The following SH3BGRL variants were observed in gnomAD, a reference collection of about 807,000 sequenced individuals.
The protein encoded by SH3BGRL is SH3 domain binding glutamate rich protein like, also known as adapter SH3BGRL.
A neutral mutation model predicts 9.8 loss-of-function variants in SH3BGRL; 7 were observed. The observed-to-expected ratio is 0.72, with a 90% CI of 0.41 to 1.35. SH3BGRL has a LOEUF of 1.35. SH3BGRL is among the 40% of genes most tolerant of loss of function. The pLI is 0.01. For synonymous variants in SH3BGRL, 36 were observed against 29.1 expected, an observed-to-expected ratio of 1.24 and a Z score of -0.76; for missense variants, 73 against 84.4, an observed-to-expected ratio of 0.86 and a Z score of 0.53.
chrX:81,236,909 G>C (rs2075650171), intron 1 of SH3BGRL, among the ~76,000 whole-genome samples: 1 of 108,412 alleles, frequency 9.2e-6, no homozygotes, highest in Admixed American at 9.9e-5. Flanking sequence ...GGGAGAGAGA[G>C]AGAGAGAGAG....
chrX:81,224,923 G>A (rs941325974), intron 1 of SH3BGRL, among the ~76,000 whole-genome samples: 5 of 109,570 alleles, frequency 4.6e-5, no homozygotes, highest in East Asian at 5.7e-4. Flanking sequence ...CGAAGGAGGC[G>A]CTATTTCTTC....
At chrX:81,280,207 C>A (rs1420041930) in intron 3 of SH3BGRL, among the ~76,000 whole-genome samples, 3 of 110,371 alleles carry the variant, frequency 2.7e-5, no homozygotes, top group African/African-American at 6.6e-5. Context: ...CAGACATGCC[C>A]AGCCCCTCCC....
chrX:81,213,838 C>T (rs1429532624), intron 1 of SH3BGRL, among the ~76,000 whole-genome samples: 1 of 111,728 alleles, frequency 9.0e-6, no homozygotes, highest in Non-Finnish European at 1.9e-5. Flanking sequence ...CAAAACAGGC[C>T]ACCCAAGTGG....
chrX:81,216,542 CTCTA>C (rs1411831500), intron 1 of SH3BGRL, among the ~76,000 whole-genome samples: 3 of 110,847 alleles, frequency 2.7e-5, no homozygotes, highest in East Asian at 2.8e-4. Flanking sequence ...TATTCATTGA[CTCTA>C]TCTATATTTT....
chrX:81,268,197 T>G (rs538069122), intron 1 of SH3BGRL, among the ~76,000 whole-genome samples: 1 of 110,134 alleles, frequency 9.1e-6, no homozygotes, highest in Non-Finnish European at 1.9e-5. Flanking sequence ...TTTTGAAGGG[T>G]TTTTTTTGTG....
chrX:81,240,425 A>T (rs1473966959), intron 1 of SH3BGRL, among the ~76,000 whole-genome samples: 1 of 112,435 alleles, frequency 8.9e-6, no homozygotes, highest in Admixed American at 9.4e-5. Flanking sequence ...TCTGAAAAAG[A>T]AATAAAAAAT....
intron 1 of SH3BGRL, among the ~76,000 whole-genome samples, chrX:81,244,204 GA>G (rs753470518): frequency 9.0e-6 from 1 of 111,241 alleles, no homozygotes; most frequent in African/African-American, 3.3e-5. Flanking sequence ...AAAATGTAGG[GA>G]AAAAATCCAA....
At chrX:81,211,945 GTGT>G (rs755526915) in intron 1 of SH3BGRL, among the ~76,000 whole-genome samples, 2 of 111,465 alleles carry the variant, frequency 1.8e-5, no homozygotes, top group African/African-American at 3.3e-5. Flanking sequence ...CTAATACAAA[GTGT>G]TGTTGGAAAT....
intron 3 of SH3BGRL, among the ~76,000 whole-genome samples, chrX:81,292,283 A>G (rs1334477152): frequency 9.0e-6 from 1 of 111,530 alleles, no homozygotes; most frequent in African/African-American, 3.3e-5. Context: ...TGCCTGCTGT[A>G]CCCCCACAGC....
intron 1 of SH3BGRL, among the ~76,000 whole-genome samples, chrX:81,261,617 A>G (rs1204621029): frequency 1.8e-5 from 2 of 111,362 alleles, no homozygotes; most frequent in Non-Finnish European, 3.8e-5. Flanking sequence ...TCTCTTTACC[A>G]TAGGATATGC....
intron 1 of SH3BGRL, among the ~76,000 whole-genome samples, chrX:81,270,246 C>G (rs1449267437): frequency 9.0e-6 from 1 of 111,386 alleles, no homozygotes; most frequent in Non-Finnish European, 1.9e-5. Context: ...CATTTTCCAT[C>G]CAGTTTTGTT....
intron 1 of SH3BGRL, among the ~76,000 whole-genome samples, chrX:81,262,627 A>G (rs1249424912): frequency 9.0e-6 from 1 of 111,679 alleles, no homozygotes; most frequent in African/African-American, 3.3e-5. Flanking sequence ...TGAAATCCAA[A>G]TAGGCTGGAG....
intron 1 of SH3BGRL, among the ~76,000 whole-genome samples, chrX:81,243,568 A>G (rs1408151212): frequency 2.7e-5 from 3 of 111,330 alleles, no homozygotes; most frequent in African/African-American, 9.8e-5. Flanking sequence ...AAAAGTATAA[A>G]TGCTTGTGGG....
intron 1 of SH3BGRL, among the ~76,000 whole-genome samples, chrX:81,206,809 A>C (rs1301535697): frequency 8.9e-6 from 1 of 112,128 alleles, no homozygotes; most frequent in Non-Finnish European, 1.9e-5. Flanking sequence ...GAAAGCCTAA[A>C]CTGGTCTGGT....
intron 1 of SH3BGRL, among the ~76,000 whole-genome samples, chrX:81,222,104 G>T (rs1215695477): frequency 1.8e-5 from 2 of 112,211 alleles, no homozygotes; most frequent in African/African-American, 6.5e-5. Context: ...ATTCCTTGTT[G>T]TCCTAGACTC....
At chrX:81,226,542 A>G (rs1399790038) in intron 1 of SH3BGRL, among the ~76,000 whole-genome samples, 2 of 103,091 alleles carry the variant, frequency 1.9e-5, no homozygotes, top group African/African-American at 3.5e-5. Flanking sequence ...CTCTCTATAT[A>G]TATATATATA....
At position 81,208,786 on chromosome X, in the gene SH3BGRL, AG is replaced by A. The variant is rs749177857; in HGVS notation, c.45+6542del. ...ACCTGACCTTTTACACTTGGGCAGC[AG>A]AGAAGAATTTTAAGCAAGGAGATTT... On this transcript the variant is annotated intron_variant, in intron 1 of 3. Coordinates refer to ENST00000373212, the MANE Select transcript of SH3BGRL (RefSeq NM_003022.3). Among the ~76,000 whole-genome samples, 45 of 111,759 alleles carry A rather than the reference AG, an allele frequency of 4.0e-4. No individual in the cohort carries two copies. The South Asian group carries it at 0.017, about 41-fold the overall frequency.
intron 1 of SH3BGRL, among the ~76,000 whole-genome samples, chrX:81,251,122 A>C (rs1289327369): frequency 8.9e-6 from 1 of 112,104 alleles, no homozygotes. Flanking sequence ...AAATTGGGCA[A>C]TCTGAGACGT....
At chrX:81,247,365 G>A (rs909239312) in intron 1 of SH3BGRL, among the ~76,000 whole-genome samples, 2 of 111,576 alleles carry the variant, frequency 1.8e-5, no homozygotes, top group African/African-American at 6.5e-5. Flanking sequence ...GATGACAGTG[G>A]GCATCCTTGT....
Sources: gnomAD v4.1 joint callset for allele counts (sites outside exome capture counted in the v4.1 genomes callset) on GRCh38, gnomAD v4.1.1 for gene constraint, MANE v1.5 for transcripts, NCBI Gene and HGNC (gene_info 2026-07-23, HGNC 2026-07-21) for gene names.